The following PGS1 variants were observed in gnomAD, a reference collection of about 807,000 sequenced individuals.
PGS1 encodes CDP-diacylglycerol--glycerol-3-phosphate 3-phosphatidyltransferase, mitochondrial.
In PGS1, 44 loss-of-function variants were observed where a neutral mutation model predicts 58.3. The ratio of observed to expected loss-of-function variants is 0.75; its 90% confidence interval spans 0.59 to 0.97. The LOEUF (loss-of-function observed/expected upper bound fraction) is 0.97. PGS1 is among the 50% of genes least tolerant of loss of function. The pLI is 0.00. For missense variants in PGS1, 684 were observed against 731.1 expected (o/e 0.94, Z 0.74); for synonymous variants, 330 against 311.0 (o/e 1.06, Z -0.64).
chr17:78,388,781 A>T (rs2082590368), intron 1 of PGS1, among the ~76,000 whole-genome samples: 1 of 152,052 alleles, frequency 6.6e-6, no homozygotes, highest in Non-Finnish European at 1.5e-5. Context: ...CCCAGGCATC[A>T]CCAGTTCCCC....
Position 78,400,187 on chromosome 17 carries a change from C to A in PGS1, c.702-490C>A, listed in dbSNP as rs578242441. ...ATCACCTGACGTTAGAAGTTCAAGACCAGCCTGGACAACATGGTGAAGCCC... is the reference window on the plus strand; with the variant it reads ...ATCACCTGACGTTAGAAGTTCAAGAACAGCCTGGACAACATGGTGAAGCCC... On this transcript the variant is annotated intron_variant, in intron 5 of 9. Coordinates refer to ENST00000262764, the MANE Select transcript of PGS1 (RefSeq NM_024419.5). The surrounding 1 kb of genome is among the most constrained non-coding windows in gnomAD (Gnocchi z 4.4). 4.6e-5 allele frequency: 8 copies of A among 175,406 alleles called. No homozygotes were observed. The South Asian group carries it at 9.5e-4, about 21-fold the overall frequency. The allele number at this position is 175,406 out of a possible 1,614,324, so 10.9% of individuals were successfully genotyped here. A position where few individuals can be genotyped will look rare whatever the true frequency, so the allele number is the denominator to read the frequency against.
intron 9 of PGS1, among the ~76,000 whole-genome samples, chr17:78,423,470 T>G (rs1299008292): frequency 6.6e-6 from 1 of 152,140 alleles, no homozygotes; most frequent in Non-Finnish European, 1.5e-5. Flanking sequence ...TGTCCCCTCA[T>G]TGGCAGGTGG....
chr17:78,389,804 C>T (rs182784179), intron 1 of PGS1, among the ~76,000 whole-genome samples: 7 of 152,050 alleles, frequency 4.6e-5, no homozygotes, highest in Admixed American at 6.5e-5. Flanking sequence ...TTAGTAGAGA[C>T]GGGGTTTCAC....
At chr17:78,399,291 G>A in intron 4 of PGS1, 57 bp from the exon 5 acceptor site, 5 of 1,407,254 alleles carry the variant, frequency 3.6e-6, no homozygotes, top group Non-Finnish European at 5.0e-6. Flanking sequence ...GCTCCTCATT[G>A]GGGGCAGGAC....
intron 7 of PGS1, among the ~76,000 whole-genome samples, chr17:78,408,396 C>T (rs1162008026): frequency 6.6e-6 from 1 of 152,174 alleles, no homozygotes; most frequent in Non-Finnish European, 1.5e-5. Context: ...CTGGCTTAAC[C>T]TCTTTCCTGT....
intron 3 of PGS1, among the ~76,000 whole-genome samples, chr17:78,397,165 G>A (rs1191245295): frequency 1.3e-5 from 2 of 152,240 alleles, no homozygotes; most frequent in Non-Finnish European, 2.9e-5. Flanking sequence ...TTTATATGAG[G>A]TGTTGGGGCC....
In PGS1 at chr17:78,414,781, G is replaced by C. The variant is rs2085030508; in HGVS notation, c.1403-98G>C. 5.7e-6 allele frequency: 8 copies of C among 1,413,666 alleles called. No individual in the cohort carries two copies. In the Admixed American group the frequency reaches 1.4e-4, roughly 25 times the overall value. The allele number at this position is 1,413,666 out of a possible 1,614,324, so 87.6% of individuals were successfully genotyped here. A position where few individuals can be genotyped will look rare whatever the true frequency, so the allele number is the denominator to read the frequency against. On this transcript the variant is annotated intron_variant, in intron 7 of 9. Coordinates refer to ENST00000262764, the MANE Select transcript of PGS1 (RefSeq NM_024419.5). ...GCAGCCCCTCGTGTCCAGGCACCCA[G>C]GGCAGGCCGCCTTTCTCTTAGATTG...
At chr17:78,406,325 G>GA (rs965429225) in intron 7 of PGS1, among the ~76,000 whole-genome samples, 41 of 147,724 alleles carry the variant, frequency 2.8e-4, no homozygotes, top group East Asian at 7.9e-4. Context: ...CTCAAAAAAA[G>GA]AAAAAAAAAA....
At position 78,378,779 on chromosome 17, in the gene PGS1, C is replaced by T. The variant is rs1230583405; in HGVS notation, c.114C>T (p.Leu38=). Residue 38 remains leucine (L), a synonymous_variant, in exon 1 of 10, where the codon CTC becomes CTT. Coordinates refer to ENST00000262764, the MANE Select transcript of PGS1 (RefSeq NM_024419.5). ...TCCTGGGACGCCTGTCCGACCGCCT[C>T]GGCAGGAACCGGGACCGCCAGCGCA... ...AALLGRLSDR[L]GRNRDRQRRR... is the part of the protein sequence containing the mutation. 1.3e-6 allele frequency: 2 copies of T among 1,485,312 alleles called. No homozygotes were observed. Among genetic ancestry groups the T allele is most frequent in the African/African-American group, 1.5e-5 (1 of 68,218 alleles). 92.0% of individuals were successfully genotyped at this position (1,485,312 alleles called of 1,614,324 possible). A position where few individuals can be genotyped will look rare whatever the true frequency, so the allele number is the denominator to read the frequency against.
At chr17:78,397,321 T>C (rs1281765848) in intron 3 of PGS1, among the ~76,000 whole-genome samples, 1 of 152,176 alleles carries the variant, frequency 6.6e-6, no homozygotes, top group Non-Finnish European at 1.5e-5. Context: ...GTTAGTGCCG[T>C]TTCTTGGTCT....
At chr17:78,409,115 C>A (rs1039114435) in intron 7 of PGS1, among the ~76,000 whole-genome samples, 14 of 152,234 alleles carry the variant, frequency 9.2e-5, no homozygotes, top group African/African-American at 3.1e-4. Context: ...CATCTTTCTG[C>A]TCCATGGAGG....
chr17:78,378,852 A>C (rs372381715), intron 1 of PGS1, 44 bp downstream of exon 1: 1 of 1,359,738 alleles, frequency 7.4e-7, no homozygotes, highest in Non-Finnish European at 9.4e-7. Flanking sequence ...TCGCGGCTGC[A>C]GCCCGGCCCC....
At chr17:78,387,773 ATT>A (rs1346280376) in intron 1 of PGS1, among the ~76,000 whole-genome samples, 3 of 149,876 alleles carry the variant, frequency 2.0e-5, no homozygotes, top group Non-Finnish European at 4.5e-5. Flanking sequence ...CTAACTTTTA[ATT>A]TTTCTAGAGA....
At position 78,404,007 on chromosome 17, in the gene PGS1, C is replaced by T; in HGVS notation, c.1320C>T (p.Phe440=). 2 of 1,613,686 alleles carry T rather than the reference C, an allele frequency of 1.2e-6. No individual in the cohort carries two copies. The highest frequency in any genetic ancestry group is 8.5e-7 in the Non-Finnish European group (1 of 1,179,860). Residue 440 remains phenylalanine, a synonymous_variant, in exon 7 of 10, where the codon TTC becomes TTT. Transcript: ENST00000262764. ...AAYVHIERQF[F]SEVCSLGQQE... ...ATGTGCACATCGAGCGACAGTTCTT[C>T]AGTGAGGTGTGCAGCCTGGGACAGC...
At chr17:78,418,850 TAGA>T (rs1191710942) in intron 8 of PGS1, among the ~76,000 whole-genome samples, 3 of 152,252 alleles carry the variant, frequency 2.0e-5, no homozygotes, top group South Asian at 4.2e-4. Flanking sequence ...GCCAATTTGA[TAGA>T]AGAAAAACTG....
rs765845512 is a variant in PGS1, at chr17:78,403,767, C to T, written c.1080C>T (p.Phe360=). Residue 360 remains phenylalanine, a synonymous_variant, in exon 7 of 10, where the codon TTC becomes TTT. Transcript: ENST00000262764. ...WIYPLIQMKP[F]EIQIDEIVTE... ...ATCCGCTGATTCAGATGAAGCCCTT[C>T]GAGATTCAAATCGATGAGATTGTCA... 8.1e-5 allele frequency: 130 copies of T among 1,614,082 alleles called. No individual in the cohort carries two copies. The highest frequency in any genetic ancestry group is 7.7e-5 in the South Asian group (7 of 91,088).
chr17:78,412,542 G>T (rs1216622745), intron 7 of PGS1, among the ~76,000 whole-genome samples: 1 of 152,314 alleles, frequency 6.6e-6, no homozygotes, highest in East Asian at 1.9e-4. Flanking sequence ...CTCAGCGCTG[G>T]CCTCTAGGTG....
intron 1 of PGS1, among the ~76,000 whole-genome samples, chr17:78,387,599 T>A (rs1377382949): frequency 9.0e-5 from 1 of 11,090 alleles, no homozygotes; most frequent in African/African-American, 1.2e-4. Context: ...GCGCCCAGCC[T>A]TTTTTTTTTT....
At chr17:78,392,797 A>G (rs966604979) in intron 2 of PGS1, 132 bp downstream of exon 2, 18 of 678,016 alleles carry the variant, frequency 2.7e-5, no homozygotes, top group African/African-American at 3.6e-5. Flanking sequence ...TTTACCTGTC[A>G]GGTTTCAGCT....
Sources: allele counts gnomAD v4.1 joint callset (sites outside exome capture counted in the v4.1 genomes callset), GRCh38; gene constraint gnomAD v4.1.1; non-coding constraint Gnocchi (gnomAD v3.1); transcripts MANE v1.5; gene names NCBI Gene and HGNC (gene_info 2026-07-23, HGNC 2026-07-21).